Variants in SPMAP2L observed in about 807,000 individuals in gnomAD.
SPMAP2L encodes sperm microtubule associated protein 2-like.
At chr4:56,587,199 AT>A in the SPMAP2L span, among the ~76,000 whole-genome samples, 1 of 151,990 alleles carries the variant, frequency 6.6e-6, no homozygotes, top group Non-Finnish European at 1.5e-5. Flanking sequence ...TTTACACTTT[AT>A]TTTCATTCAA....
the SPMAP2L span, among the ~76,000 whole-genome samples, chr4:56,534,737 G>A: frequency 2.6e-5 from 4 of 152,094 alleles, no homozygotes; most frequent in South Asian, 2.1e-4. Context: ...GACCAGCCTC[G>A]CCAACATGGT....
chr4:56,559,000 A>G, the SPMAP2L span, among the ~76,000 whole-genome samples: 1 of 151,416 alleles, frequency 6.6e-6, no homozygotes, highest in South Asian at 2.1e-4. Flanking sequence ...GTGGTGTGAT[A>G]TTGGCTCACT....
the SPMAP2L span, among the ~76,000 whole-genome samples, chr4:56,588,245 T>A: frequency 6.6e-6 from 1 of 152,142 alleles, no homozygotes; most frequent in African/African-American, 2.4e-5. Context: ...ATTGTGAAGA[T>A]TTTCTCCCAC....
chr4:56,554,545 G>T, the SPMAP2L span, among the ~76,000 whole-genome samples: 1 of 152,120 alleles, frequency 6.6e-6, no homozygotes, highest in African/African-American at 2.4e-5. Flanking sequence ...AGTGTTCTTT[G>T]TATGTTTTGG....
At chr4:56,604,463 G>T in the SPMAP2L span, among the ~76,000 whole-genome samples, 3 of 152,096 alleles carry the variant, frequency 2.0e-5, no homozygotes, top group African/African-American at 7.2e-5. Flanking sequence ...TTCAAGACCA[G>T]CCTGACCAAC....
the SPMAP2L span, among the ~76,000 whole-genome samples, chr4:56,582,595 A>G: frequency 6.6e-6 from 1 of 152,272 alleles, no homozygotes; most frequent in South Asian, 2.1e-4. Flanking sequence ...AAACATTAAA[A>G]CCCTTATACA....
the SPMAP2L span, among the ~76,000 whole-genome samples, chr4:56,566,868 T>C: frequency 6.6e-6 from 1 of 151,862 alleles, no homozygotes; most frequent in East Asian, 2.0e-4. Context: ...AGCTAATTTT[T>C]GTATTTTTAG....
the SPMAP2L span, among the ~76,000 whole-genome samples, chr4:56,583,629 C>T: frequency 6.6e-6 from 1 of 152,136 alleles, no homozygotes; most frequent in African/African-American, 2.4e-5. Context: ...GGGGAGCAGC[C>T]TATGAAAATT....
chr4:56,566,695 C>CTTTTTTTTTTTTTTTTTTT, the SPMAP2L span, among the ~76,000 whole-genome samples: 108 of 92,440 alleles, frequency 1.2e-3, no homozygotes, highest in Middle Eastern at 7.0e-3. Flanking sequence ...TTTTCTTTTT[C>CTTTTTTTTTTTTTTTTTTT]TTTTTTTTTT....
chr4:56,592,359 G>A, the SPMAP2L span, among the ~76,000 whole-genome samples: 1 of 152,190 alleles, frequency 6.6e-6, no homozygotes, highest in South Asian at 2.1e-4. Flanking sequence ...TGGCCTCTTG[G>A]CTGAGTTTAT....
chr4:56,611,891 C>G, the SPMAP2L span, among the ~76,000 whole-genome samples: 1 of 152,182 alleles, frequency 6.6e-6, no homozygotes, highest in African/African-American at 2.4e-5. Context: ...AGCCTCCAAT[C>G]AGAGCATATC....
At chr4:56,539,445 G>C in the SPMAP2L span, among the ~76,000 whole-genome samples, 36 of 152,154 alleles carry the variant, frequency 2.4e-4, no homozygotes, top group African/African-American at 8.7e-4. Context: ...TTTTGAGATG[G>C]AGTTTTGCTC....
At chr4:56,538,039 A>T in the SPMAP2L span, among the ~76,000 whole-genome samples, 10 of 151,636 alleles carry the variant, frequency 6.6e-5, no homozygotes, top group African/African-American at 2.4e-4. Flanking sequence ...GCCTGTGTCT[A>T]CTCTTGTCCC....
the SPMAP2L span, among the ~76,000 whole-genome samples, chr4:56,618,414 C>A: frequency 7.2e-5 from 11 of 152,258 alleles, no homozygotes; most frequent in Admixed American, 7.2e-4. Context: ...AAGACATACC[C>A]AAGACTGAAT....
the SPMAP2L span, chr4:56,595,196 A>T: frequency 4.3e-6 from 7 of 1,611,586 alleles, no homozygotes; most frequent in Non-Finnish European, 5.9e-6. Context: ...TTAGAAAAAC[A>T]CTACAGAATT....
At chr4:56,530,798 ACACT>A in the SPMAP2L span, 1 of 1,535,376 alleles carries the variant, frequency 6.5e-7, no homozygotes, top group Non-Finnish European at 8.7e-7. Context: ...AGGATTCTCG[ACACT>A]CACAGAGAGC....
the SPMAP2L span, among the ~76,000 whole-genome samples, chr4:56,587,682 T>C: frequency 6.6e-6 from 1 of 152,240 alleles, no homozygotes; most frequent in Admixed American, 6.5e-5. Flanking sequence ...TATTCCATCC[T>C]ATACATTTAC....
chr4:56,575,605 C>A, the SPMAP2L span: 12 of 1,535,448 alleles, frequency 7.8e-6, no homozygotes, highest in Non-Finnish European at 1.0e-5. Context: ...GAGGCTGTCA[C>A]AGCCCAATGG....
At chr4:56,550,926 G>A in the SPMAP2L span, among the ~76,000 whole-genome samples, 1,744 of 150,286 alleles carry the variant, frequency 0.012, 19 homozygotes, top group Non-Finnish European at 0.018. Flanking sequence ...GCACTCCAGC[G>A]TGGGGAACAT....
Sources: gnomAD v4.1 joint callset for allele counts (sites outside exome capture counted in the v4.1 genomes callset) on GRCh38, gnomAD v4.1.1 for gene constraint, MANE v1.5 for transcripts, NCBI Gene and HGNC (gene_info 2026-07-23, HGNC 2026-07-21) for gene names.